Variants in SNTG1 observed in about 807,000 individuals in gnomAD.
SNTG1 encodes the protein syntrophin gamma 1.
In SNTG1, 39 loss-of-function variants were observed where a neutral mutation model predicts 74.7. The ratio of observed to expected loss-of-function variants is 0.52; its 90% CI spans 0.40 to 0.68. The LOEUF (loss-of-function observed/expected upper bound fraction) is 0.68. SNTG1 is among the 30% of genes least tolerant of loss of function. The probability of loss-of-function intolerance (pLI) is 0.00; values close to 1 mark genes in which losing one functional copy is unlikely to be tolerated. For missense variants in SNTG1, 685 were observed against 609.5 expected (o/e 1.12, Z -1.30); for synonymous variants, 254 against 217.1 (o/e 1.17, Z -1.49).
At position 50,284,917 on chromosome 8, in the gene SNTG1, TA is replaced by T. The variant is rs1343333125; in HGVS notation, c.-27-109294del. 9.2e-5 allele frequency among the ~76,000 whole-genome samples: 14 copies of T among 152,288 alleles called. No individual in the cohort carries two copies. The East Asian group carries it at 1.3e-3, about 15-fold the overall frequency. Reference sequence around the variant, plus strand: ...TTGCAAAAAGCAACTTATCAATGTTTATTTTTTTTACTTTTAAAAGTATTTG... The same window carrying T: ...TTGCAAAAAGCAACTTATCAATGTTTTTTTTTTTACTTTTAAAAGTATTTG... On this transcript the variant is annotated intron_variant, in intron 2 of 18. Transcript: ENST00000642720.
intron 1 of SNTG1, among the ~76,000 whole-genome samples, chr8:50,108,861 A>G (rs2131290387): frequency 6.6e-6 from 1 of 152,254 alleles, no homozygotes; most frequent in Non-Finnish European, 1.5e-5. Flanking sequence ...TGGAGTCTGA[A>G]GGAAACTTTG....
chr8:50,038,460 T>G (rs1818346148), intron 1 of SNTG1, among the ~76,000 whole-genome samples: 5 of 152,072 alleles, frequency 3.3e-5, no homozygotes, highest in Admixed American at 3.3e-4. Flanking sequence ...TCCTGTGCAG[T>G]GGGTTTAAGG....
At chr8:50,497,225 A>C (rs1426314002) in intron 8 of SNTG1, among the ~76,000 whole-genome samples, 3 of 152,098 alleles carry the variant, frequency 2.0e-5, no homozygotes, top group Non-Finnish European at 4.4e-5. Context: ...CTTTAAAAGT[A>C]AAGCAACTGC....
chr8:50,125,805 G>T (rs1186671139), intron 1 of SNTG1, among the ~76,000 whole-genome samples: 1 of 152,146 alleles, frequency 6.6e-6, no homozygotes, highest in Non-Finnish European at 1.5e-5. Flanking sequence ...CATATGCTGT[G>T]CTAAAGAAAA....
intron 2 of SNTG1, among the ~76,000 whole-genome samples, chr8:50,203,553 T>C (rs559667151): frequency 1.3e-5 from 2 of 152,292 alleles, no homozygotes; most frequent in Admixed American, 1.3e-4. Flanking sequence ...TTTTTTTTAA[T>C]AGCAGCATTT....
Position 50,450,605 on chromosome 8 carries a change from C to A in SNTG1, c.321+6C>A. 1 of 1,613,470 alleles carries A rather than the reference C, an allele frequency of 6.2e-7. No individual in the cohort carries two copies. On this transcript the variant is annotated splice_donor_region_variant and intron_variant, in intron 7 of 18. Coordinates refer to ENST00000642720, the MANE Select transcript of SNTG1 (RefSeq NM_018967.5). ...TTGGAGATGCAATTCTACAGGTATA[C>A]ATTTTATCACTATATGTGTGGTCAA...
intron 8 of SNTG1, among the ~76,000 whole-genome samples, chr8:50,479,367 C>G: frequency 6.6e-6 from 1 of 152,086 alleles, no homozygotes; most frequent in East Asian, 1.9e-4. Context: ...ACGTTTCTGA[C>G]TGTTTTTAAG....
At chr8:50,106,916 C>T (rs1250587445) in intron 1 of SNTG1, among the ~76,000 whole-genome samples, 22 of 152,014 alleles carry the variant, frequency 1.4e-4, no homozygotes, top group Admixed American at 1.4e-3. Context: ...ATTCATACTG[C>T]CATAAACAGG....
At chr8:50,271,900 G>A (rs1251522092) in intron 2 of SNTG1, among the ~76,000 whole-genome samples, 4 of 152,124 alleles carry the variant, frequency 2.6e-5, no homozygotes, top group Admixed American at 2.0e-4. Flanking sequence ...AGGTGATTAG[G>A]CAATGAAGGC....
At position 50,755,317 on chromosome 8, in the gene SNTG1, T is replaced by G. The variant is rs542615573; in HGVS notation, c.1395+3206T>G. Reference sequence around the variant, plus strand: ...CATTTTTAAAACTTGTCTCCGTACTTTTTCCTTTTTCAAAATGTCATATAG... The same window carrying G: ...CATTTTTAAAACTTGTCTCCGTACTGTTTCCTTTTTCAAAATGTCATATAG... On this transcript the variant is annotated intron_variant, in intron 18 of 18. Transcript: ENST00000642720. 7.2e-5 allele frequency among the ~76,000 whole-genome samples: 11 copies of G among 151,884 alleles called. No homozygotes were observed. The South Asian group carries it at 2.3e-3, about 32-fold the overall frequency.
chr8:50,780,915 G>T (rs1015873000), intron 18 of SNTG1, among the ~76,000 whole-genome samples: 1 of 152,018 alleles, frequency 6.6e-6, no homozygotes, highest in African/African-American at 2.4e-5. Flanking sequence ...CTTTGTTCTC[G>T]TTGCTTTCAA....
intron 2 of SNTG1, among the ~76,000 whole-genome samples, chr8:50,322,753 A>G (rs2090580760): frequency 6.6e-6 from 1 of 151,764 alleles, no homozygotes; most frequent in Non-Finnish European, 1.5e-5. Flanking sequence ...TCTTCTAACT[A>G]TATATTTTCA....
At chr8:49,944,050 A>T (rs913277724) in intron 1 of SNTG1, among the ~76,000 whole-genome samples, 2 of 152,230 alleles carry the variant, frequency 1.3e-5, no homozygotes, top group Non-Finnish European at 2.9e-5. Flanking sequence ...TTTGTTGTAT[A>T]ATAATTTTAA....
chr8:50,462,880 G>C (rs868727584), intron 8 of SNTG1, among the ~76,000 whole-genome samples: 5 of 120,798 alleles, frequency 4.1e-5, no homozygotes, highest in Non-Finnish European at 8.0e-5. Context: ...GCAATGACAC[G>C]ATCTTGGCTC....
At chr8:50,704,950 A>T (rs2095438539) in intron 16 of SNTG1, among the ~76,000 whole-genome samples, 198 bp downstream of exon 16, 1 of 152,188 alleles carries the variant, frequency 6.6e-6, no homozygotes, top group African/African-American at 2.4e-5. Flanking sequence ...CCACGACTTG[A>T]TCTTTCCAGG....
At chr8:50,452,173 G>C (rs937557764) in intron 8 of SNTG1, among the ~76,000 whole-genome samples, 1 of 152,128 alleles carries the variant, frequency 6.6e-6, no homozygotes, top group Non-Finnish European at 1.5e-5. Context: ...TTTAGTATTT[G>C]TCACTTGTCT....
In SNTG1 at chr8:50,792,835, T is replaced by A. The variant is rs760092767; in HGVS notation, c.*6T>A. On this transcript the variant is annotated 3_prime_UTR_variant, in exon 19 of 19. Transcript: ENST00000642720. ...AAGCAAAGTATACAACTTGACATAC[T>A]GAACTCTTCATTGACACACCCCATG... The A allele has an allele frequency of 3.7e-5, 59 of 1,610,618 alleles. 1 individual carries two copies. The Admixed American group carries it at 9.5e-4, about 26-fold the overall frequency.
intron 2 of SNTG1, among the ~76,000 whole-genome samples, chr8:50,372,179 C>T (rs2092284025): frequency 6.6e-6 from 1 of 151,556 alleles, no homozygotes; most frequent in Non-Finnish European, 1.5e-5. Context: ...AACTTTTCCT[C>T]TCTAGCTGCT....
chr8:50,016,154 A>G (rs1222353132), intron 1 of SNTG1, among the ~76,000 whole-genome samples: 1 of 152,036 alleles, frequency 6.6e-6, no homozygotes, highest in Non-Finnish European at 1.5e-5. Flanking sequence ...CTTTTCGTGC[A>G]AGTTTGGCCT....
Sources: allele counts gnomAD v4.1 joint callset (sites outside exome capture counted in the v4.1 genomes callset), GRCh38; gene constraint gnomAD v4.1.1; transcripts MANE v1.5; gene names NCBI Gene and HGNC (gene_info 2026-07-23, HGNC 2026-07-21).